Variants in PPM1L observed in about 807,000 individuals in gnomAD.
PPM1L encodes protein phosphatase, Mg2+/Mn2+ dependent 1L.
Under a neutral mutation model 31.4 loss-of-function variants are expected in PPM1L, and 13 were observed. The ratio of observed to expected loss-of-function variants is 0.41; its 90% CI spans 0.27 to 0.66. PPM1L has a LOEUF of 0.66. PPM1L is among the 30% of genes least tolerant of loss of function. The pLI, the probability that PPM1L is intolerant of heterozygous loss-of-function variation, is 0.29. For missense variants in PPM1L, 326 were observed against 453.7 expected, an observed-to-expected ratio of 0.72 and a Z score of 2.56; for synonymous variants, 184 against 175.4, an observed-to-expected ratio of 1.05 and a Z score of -0.39.
chr3:160,973,626 A>G (rs1559909241), intron 2 of PPM1L, among the ~76,000 whole-genome samples: 1 of 152,004 alleles, frequency 6.6e-6, no homozygotes, highest in Non-Finnish European at 1.5e-5. Context: ...TCCTTGGTTG[A>G]CTCTCAGACT....
chr3:160,923,300 T>TA (rs1714476541), intron 1 of PPM1L, among the ~76,000 whole-genome samples: 1 of 152,220 alleles, frequency 6.6e-6, no homozygotes, highest in Admixed American at 6.5e-5. Flanking sequence ...AGTCACGTGT[T>TA]ATAGAAACCA....
At chr3:160,988,226 C>T (rs999057872) in intron 2 of PPM1L, among the ~76,000 whole-genome samples, 1 of 151,980 alleles carries the variant, frequency 6.6e-6, no homozygotes, top group Non-Finnish European at 1.5e-5. Flanking sequence ...ATGACGTTTA[C>T]GTTATTAATG....
At chr3:160,944,959 T>C (rs1481444843) in intron 1 of PPM1L, among the ~76,000 whole-genome samples, 1 of 34,502 alleles carries the variant, frequency 2.9e-5, no homozygotes, top group East Asian at 3.7e-4. Context: ...TATATAACTA[T>C]ATAACATATA....
intron 1 of PPM1L, among the ~76,000 whole-genome samples, chr3:160,861,065 G>A (rs1206227009): frequency 4.6e-5 from 7 of 152,160 alleles, no homozygotes; most frequent in Admixed American, 4.6e-4. Context: ...GTAGAAAGAG[G>A]TTTTTCATAT....
chr3:160,892,387 G>T (rs1447616), intron 1 of PPM1L, among the ~76,000 whole-genome samples: 129,630 of 152,018 alleles, frequency 0.85, 55,496 homozygotes, highest in Middle Eastern at 0.92. Context: ...CACTCACTAT[G>T]GCAAGGACAG....
chr3:160,853,306 A>G (rs1033596872), intron 1 of PPM1L, among the ~76,000 whole-genome samples: 1 of 152,162 alleles, frequency 6.6e-6, no homozygotes, highest in Non-Finnish European at 1.5e-5. Flanking sequence ...TACTACAAAT[A>G]CTTTATTCTT....
intron 2 of PPM1L, among the ~76,000 whole-genome samples, chr3:160,984,567 A>G: frequency 6.6e-6 from 1 of 152,214 alleles, no homozygotes; most frequent in East Asian, 1.9e-4. Context: ...AAAGACAGGT[A>G]TAGGAAATCA....
At position 160,756,777 on chromosome 3, in the gene PPM1L, G is replaced by GTGTGTGTA. The variant is rs1335739352; in HGVS notation, c.399+77_399+78insATGTGTGT. ...CGTGTGTGTGTGTGTGTGTGTGTGT[G>GTGTGTGTA]TGTGTGTGTGTGTATAAACAACAGG... On this transcript the variant is annotated intron_variant, in intron 1 of 3. Transcript: ENST00000498165. This position sits in a 1 kb window ranked among gnomAD's most constrained non-coding sequence, Gnocchi z 6.2. 1 of 1,417,006 alleles carries GTGTGTGTA rather than the reference G, an allele frequency of 7.1e-7. No individual in the cohort carries two copies. Among genetic ancestry groups the GTGTGTGTA allele is most frequent in the Non-Finnish European group, 9.6e-7 (1 of 1,046,806 alleles). 87.8% of individuals were successfully genotyped at this position (1,417,006 alleles called of 1,614,324 possible). A position where few individuals can be genotyped will look rare whatever the true frequency, so the allele number is the denominator to read the frequency against.
intron 1 of PPM1L, among the ~76,000 whole-genome samples, chr3:160,881,610 C>T (rs1422935410): frequency 1.5e-4 from 23 of 152,088 alleles, no homozygotes; most frequent in Non-Finnish European, 2.6e-4. Context: ...TCAGAATTTC[C>T]GTCTGCTTTT....
intron 2 of PPM1L, among the ~76,000 whole-genome samples, chr3:160,996,122 C>A (rs149622748): frequency 0.01 from 1,559 of 152,156 alleles, 30 homozygotes; most frequent in African/African-American, 0.036. Flanking sequence ...TGGCCATAAT[C>A]AAAAACTCAA....
chr3:160,822,805 A>G (rs187635903), intron 1 of PPM1L, among the ~76,000 whole-genome samples: 15 of 152,220 alleles, frequency 9.9e-5, no homozygotes, highest in Non-Finnish European at 2.2e-4. Context: ...CAAATAGTGG[A>G]GTATCTATTA....
chr3:160,903,193 G>GT (rs1553819620), intron 1 of PPM1L, among the ~76,000 whole-genome samples: 47,185 of 122,952 alleles, frequency 0.38, 8,434 homozygotes, highest in East Asian at 0.51. Context: ...GTGTGTGTGT[G>GT]GTATGTGTGT....
At chr3:160,845,342 A>C (rs548948186) in intron 1 of PPM1L, among the ~76,000 whole-genome samples, 3 of 151,930 alleles carry the variant, frequency 2.0e-5, no homozygotes, top group Non-Finnish European at 4.4e-5. Flanking sequence ...TTTTTGTTTT[A>C]ATCTTTTTAT....
intron 1 of PPM1L, among the ~76,000 whole-genome samples, chr3:160,864,704 A>G (rs1712028338): frequency 6.6e-6 from 1 of 152,212 alleles, no homozygotes; most frequent in Non-Finnish European, 1.5e-5. Context: ...ATGGATAGCT[A>G]CCACTACTGA....
chr3:161,065,647 T>A, intron 3 of PPM1L, 83 bp downstream of exon 3: 1 of 1,333,654 alleles, frequency 7.5e-7, no homozygotes, highest in East Asian at 2.3e-5. Flanking sequence ...CTGGATAAAA[T>A]GTCCAGTTAT....
chr3:161,008,902 A>C (rs1475719574), intron 2 of PPM1L, among the ~76,000 whole-genome samples: 1 of 152,178 alleles, frequency 6.6e-6, no homozygotes, highest in Non-Finnish European at 1.5e-5. Flanking sequence ...CAAAGCTGGG[A>C]ATAAAAGTTA....
chr3:161,006,680 C>CTTT lies in PPM1L; in HGVS notation c.574+44788_574+44790dup, dbSNP rs1180679318. On this transcript the variant is annotated intron_variant, in intron 2 of 3. Coordinates refer to ENST00000498165, the MANE Select transcript of PPM1L (RefSeq NM_139245.4). The stretch of plus-strand genomic sequence containing the variant: ...CACTTCAGAAAACCCACCGTCTTTC[C>CTTT]TTTTTTTTTTTTTTTTTTTTGAGAC... Among the ~76,000 whole-genome samples the CTTT allele has an allele frequency of 1.7e-3, 201 of 118,868 alleles. 2 individuals are homozygous for CTTT. Among genetic ancestry groups the CTTT allele is most frequent in the African/African-American group, 6.0e-3 (178 of 29,702 alleles). The allele number at this position is 118,868 out of a possible 152,430, so 78.0% of individuals were successfully genotyped here.
At position 161,075,753 on chromosome 3, in the gene PPM1L, AC is replaced by A. The variant is rs1225549519; in HGVS notation, c.*6597del. 1 of 152,224 alleles carries A rather than the reference AC, an allele frequency of 6.6e-6. No homozygotes were observed. The highest frequency in any genetic ancestry group is 2.4e-5 in the African/African-American group (1 of 41,458). The allele number at this position is 152,224 out of a possible 1,614,324, so 9.4% of individuals were successfully genotyped here. A position where few individuals can be genotyped will look rare whatever the true frequency, so the allele number is the denominator to read the frequency against. The stretch of plus-strand genomic sequence containing the variant: ...TTACATCATGAATTATGCTTTCTGT[AC>A]TTACGCTCTTAGTGAAGGAGATAAC... On this transcript the variant is annotated 3_prime_UTR_variant, in exon 4 of 4. Transcript: ENST00000498165.
intron 2 of PPM1L, among the ~76,000 whole-genome samples, chr3:160,969,150 G>T (rs1389962089): frequency 1.3e-5 from 2 of 152,192 alleles, no homozygotes; most frequent in African/African-American, 4.8e-5. Context: ...AGGAGGAGCA[G>T]CATTAATTTC....
Sources: gnomAD v4.1 joint callset for allele counts (sites outside exome capture counted in the v4.1 genomes callset) on GRCh38, gnomAD v4.1.1 for gene constraint, Gnocchi (gnomAD v3.1) non-coding constraint, MANE v1.5 for transcripts, NCBI Gene and HGNC (gene_info 2026-07-23, HGNC 2026-07-21) for gene names.